PTPRG: variants seen among roughly 807,000 people sequenced by gnomAD.
PTPRG encodes protein tyrosine phosphatase receptor type G.
Under a neutral mutation model 165.3 loss-of-function variants are expected in PTPRG, and 102 were observed. The observed-to-expected ratio is 0.62, with a 90% CI of 0.53 to 0.73. The LOEUF (loss-of-function observed/expected upper bound fraction) is 0.73, where lower values mean the gene tolerates loss of function less well. Among genes scored for constraint, PTPRG ranks in the 30% least tolerant of loss-of-function variants. The pLI is 0.00. For synonymous variants in PTPRG, 675 were observed against 669.5 expected (o/e 1.01, Z -0.13); for missense variants, 1,866 against 1,861.4 (o/e 1.00, Z -0.05).
chr3:61,783,993 G>A (rs2034619958), intron 2 of PTPRG, among the ~76,000 whole-genome samples: 1 of 152,140 alleles, frequency 6.6e-6, no homozygotes. Context: ...TCAGAGGTTT[G>A]GGATTAGCTT....
intron 2 of PTPRG, among the ~76,000 whole-genome samples, chr3:61,802,266 A>G (rs1373854923): frequency 1.3e-5 from 2 of 152,126 alleles, no homozygotes; most frequent in East Asian, 3.9e-4. Flanking sequence ...TTTAAAAATC[A>G]CCAGTTCATG....
chr3:61,950,650 C>T (rs2039878068), intron 2 of PTPRG, among the ~76,000 whole-genome samples: 1 of 151,890 alleles, frequency 6.6e-6, no homozygotes, highest in African/African-American at 2.4e-5. Context: ...TTTCTTGCAC[C>T]TCTGGTAACT....
intron 2 of PTPRG, among the ~76,000 whole-genome samples, chr3:61,879,636 A>G (rs1575747005): frequency 6.6e-6 from 1 of 152,182 alleles, no homozygotes; most frequent in Admixed American, 6.5e-5. Context: ...TAGATTTTAA[A>G]TAATTTCTAT....
At chr3:62,092,729 A>G (rs1217619318) in intron 5 of PTPRG, among the ~76,000 whole-genome samples, 1 of 152,238 alleles carries the variant, frequency 6.6e-6, no homozygotes, top group Non-Finnish European at 1.5e-5. Context: ...GGTTTGTATT[A>G]GTTAATACGG....
chr3:61,772,053 C>T (rs2034223442), intron 2 of PTPRG, among the ~76,000 whole-genome samples: 1 of 109,878 alleles, frequency 9.1e-6, no homozygotes, highest in Non-Finnish European at 1.8e-5. Flanking sequence ...GAGTAAGACT[C>T]TGTCTAAAAA....
At chr3:61,609,534 T>C (rs1020319953) in intron 1 of PTPRG, among the ~76,000 whole-genome samples, 1 of 152,216 alleles carries the variant, frequency 6.6e-6, no homozygotes, top group African/African-American at 2.4e-5. Context: ...ACATCTCTTA[T>C]CATTCCAGAT....
At chr3:61,622,642 A>G (rs1477532627) in intron 1 of PTPRG, among the ~76,000 whole-genome samples, 1 of 152,194 alleles carries the variant, frequency 6.6e-6, no homozygotes, top group Admixed American at 6.5e-5. Context: ...TATTATACAA[A>G]TAATTGCAAA....
intron 8 of PTPRG, among the ~76,000 whole-genome samples, chr3:62,186,161 T>C (rs1705874604): frequency 6.6e-6 from 1 of 152,132 alleles, no homozygotes; most frequent in African/African-American, 2.4e-5. Flanking sequence ...TTTTGTTCCC[T>C]CTGTAGACTG....
chr3:61,825,670 G>A (rs564855887), intron 2 of PTPRG, among the ~76,000 whole-genome samples: 1 of 151,782 alleles, frequency 6.6e-6, no homozygotes, highest in East Asian at 1.9e-4. Context: ...TTTGAGACAG[G>A]TTCTCGCTGT....
chr3:62,182,420 T>C (rs534905659), intron 8 of PTPRG, among the ~76,000 whole-genome samples: 4 of 152,346 alleles, frequency 2.6e-5, no homozygotes, highest in Non-Finnish European at 4.4e-5. Context: ...TTAGTGAACA[T>C]AAAAGTGGAC....
intron 9 of PTPRG, 100 bp from the exon 10 acceptor site, chr3:62,194,962 C>G (rs765093182): frequency 6.8e-5 from 74 of 1,087,972 alleles, no homozygotes; most frequent in Non-Finnish European, 9.8e-5. Flanking sequence ...AAGCATCACA[C>G]CTGTCAGGCA....
At chr3:61,699,011 G>T (rs1391857035) in intron 1 of PTPRG, among the ~76,000 whole-genome samples, 1 of 151,860 alleles carries the variant, frequency 6.6e-6, no homozygotes, top group Non-Finnish European at 1.5e-5. Context: ...CACACACCAG[G>T]GACTGCTGTG....
chr3:62,135,890 G>C (rs1703691054), intron 6 of PTPRG, among the ~76,000 whole-genome samples: 1 of 152,176 alleles, frequency 6.6e-6, no homozygotes, highest in Non-Finnish European at 1.5e-5. Context: ...AAGGAGTCCT[G>C]TGTTGGCAGG....
rs1005727444 is a variant in PTPRG at position 62,004,200 on chromosome 3, T to G, written c.519+703T>G. On this transcript the variant is annotated intron_variant, in intron 4 of 29. Transcript: ENST00000474889. ...CAACCTTATATATTTCCTCTAATCA[T>G]GATTGTTGTGTGAATATTCTTTTGT... is the stretch of plus-strand genomic sequence containing the variant. Among the ~76,000 whole-genome samples, 9 of 152,310 alleles carry G rather than the reference T, an allele frequency of 5.9e-5. No homozygotes were observed. The East Asian group carries it at 1.7e-3, about 29-fold the overall frequency.
chr3:61,886,130 G>T (rs2038030076), intron 2 of PTPRG, among the ~76,000 whole-genome samples: 1 of 152,044 alleles, frequency 6.6e-6, no homozygotes, highest in African/African-American at 2.4e-5. Context: ...CCACAGTTTA[G>T]ATAACTTGGA....
In PTPRG at chr3:62,139,910, TG is replaced by T. The variant is rs201962617; in HGVS notation, c.682+7243del. On this transcript the variant is annotated intron_variant, in intron 6 of 29. Coordinates refer to ENST00000474889, the MANE Select transcript of PTPRG (RefSeq NM_002841.4). ...TAACAGTGAATTTGCAAATATGCAT[TG>T]ACTGCCCTGCCAAGCATTTCCAGAG... Among the ~76,000 whole-genome samples, 1,330 of 152,360 alleles carry T rather than the reference TG, an allele frequency of 8.7e-3. 10 individuals carry two copies. Among genetic ancestry groups the T allele is most frequent in the Non-Finnish European group, 0.013 (858 of 68,030 alleles).
intron 12 of PTPRG, among the ~76,000 whole-genome samples, chr3:62,206,671 T>C (rs957672251): frequency 1.1e-4 from 17 of 152,116 alleles, no homozygotes; most frequent in African/African-American, 4.1e-4. Flanking sequence ...AGTGGCTCAC[T>C]CCTGTAGTCC....
At chr3:62,035,237 A>G (rs1699903896) in intron 4 of PTPRG, among the ~76,000 whole-genome samples, 1 of 152,236 alleles carries the variant, frequency 6.6e-6, no homozygotes, top group African/African-American at 2.4e-5. Flanking sequence ...AGTAACATGA[A>G]TTCATGGTCA....
intron 28 of PTPRG, 144 bp from the exon 29 acceptor site, chr3:62,292,277 C>A (rs895499424): frequency 8.6e-6 from 8 of 925,812 alleles, no homozygotes; most frequent in Non-Finnish European, 1.3e-5. Context: ...CCCTCCCCCA[C>A]CAGCATTTCA....
Sources: gnomAD v4.1 joint callset for allele counts (sites outside exome capture counted in the v4.1 genomes callset) on GRCh38, gnomAD v4.1.1 for gene constraint, MANE v1.5 for transcripts, NCBI Gene and HGNC (gene_info 2026-07-23, HGNC 2026-07-21) for gene names.